The following LGALS3 variants were observed in gnomAD, a reference collection of about 807,000 sequenced individuals.
LGALS3 encodes galectin 3.
Under a neutral mutation model 20.7 loss-of-function variants are expected in LGALS3, and 18 were observed. The ratio of observed to expected loss-of-function variants is 0.87; its 90% CI spans 0.60 to 1.29. LGALS3 has a LOEUF of 1.29. Among genes scored for constraint, LGALS3 ranks in the 50% most tolerant of loss-of-function variants. The pLI, the probability that LGALS3 is intolerant of heterozygous loss-of-function variation, is 0.00. For missense variants in LGALS3, 315 were observed against 314.7 expected (o/e 1.00, Z -0.01); for synonymous variants, 112 against 119.6 (o/e 0.94, Z 0.42).
intron 1 of LGALS3, among the ~76,000 whole-genome samples, chr14:55,130,562 G>GTTTT (rs60310677): frequency 8.3e-5 from 12 of 144,896 alleles, no homozygotes; most frequent in South Asian, 4.3e-4. Context: ...TTTACCTAAG[G>GTTTT]TTTTTTTTTT....
intron 1 of LGALS3, among the ~76,000 whole-genome samples, chr14:55,130,840 C>A (rs1182552645): frequency 6.6e-6 from 1 of 151,606 alleles, no homozygotes; most frequent in Non-Finnish European, 1.5e-5. Flanking sequence ...TCCTAAAGTG[C>A]TGGGATTATA....
chr14:55,142,524 T>A (rs1881658745), intron 4 of LGALS3, 60 bp from the exon 5 acceptor site: 1 of 1,411,592 alleles, frequency 7.1e-7, no homozygotes, highest in African/African-American at 1.4e-5. Flanking sequence ...TACATGTTCT[T>A]TACACAGTGC....
In LGALS3 at chr14:55,145,070, A is replaced by T. The variant is rs768962086; in HGVS notation, c.598-46A>T. 2.7e-6 allele frequency: 4 copies of T among 1,488,892 alleles called. No individual in the cohort carries two copies. The East Asian group carries it at 6.8e-5, about 25-fold the overall frequency. 92.2% of individuals were successfully genotyped at this position (1,488,892 alleles called of 1,614,324 possible). A position where few individuals can be genotyped will look rare whatever the true frequency, so the allele number is the denominator to read the frequency against. On this transcript the variant is annotated intron_variant, in intron 5 of 5. Coordinates refer to ENST00000254301, the MANE Select transcript of LGALS3 (RefSeq NM_002306.4). ...ATTGTGGAATGCCTAAATCCAGCTGACATATGCATTACCTCATGTAACAGT... is the reference window on the plus strand; with the variant it reads ...ATTGTGGAATGCCTAAATCCAGCTGTCATATGCATTACCTCATGTAACAGT...
chr14:55,133,240 C>T (rs565199602), intron 1 of LGALS3, among the ~76,000 whole-genome samples: 6 of 152,098 alleles, frequency 3.9e-5, no homozygotes, highest in South Asian at 2.1e-4. Flanking sequence ...TAAAAAGACA[C>T]GAGCCCTACT....
chr14:55,131,474 C>A (rs1219617523), intron 1 of LGALS3, among the ~76,000 whole-genome samples: 2 of 152,172 alleles, frequency 1.3e-5, no homozygotes, highest in African/African-American at 4.8e-5. Context: ...TGTAGTATGC[C>A]TTCAGAATCT....
At chr14:55,143,399 G>A (rs779679771) in intron 5 of LGALS3, 47 of 353,256 alleles carry the variant, frequency 1.3e-4, no homozygotes, top group African/African-American at 5.2e-4. Context: ...ATATCTTTTC[G>A]TATCAGAATA....
intron 4 of LGALS3, 101 bp from the exon 5 acceptor site, chr14:55,142,483 G>A (rs944136777): frequency 2.2e-6 from 2 of 917,450 alleles, no homozygotes; most frequent in Middle Eastern, 2.4e-4. Context: ...CCTAGGTACT[G>A]TATTATGAAA....
chr14:55,142,460 T>G, intron 4 of LGALS3, 124 bp from the exon 5 acceptor site: 1 of 642,010 alleles, frequency 1.6e-6, no homozygotes, highest in South Asian at 2.8e-5. Context: ...TTGCTTTCCA[T>G]TCAGAAAAAT....
rs761867139 is a variant in LGALS3 at position 55,138,027 on chromosome 14, G to GT, written c.19-17dup. The GT allele has an allele frequency of 1.1e-5, 17 of 1,490,186 alleles. No homozygotes were observed. In the East Asian group the frequency reaches 3.7e-4, roughly 33 times the overall value. The allele number at this position is 1,490,186 out of a possible 1,614,324, so 92.3% of individuals were successfully genotyped here. On this transcript the variant is annotated splice_polypyrimidine_tract_variant and intron_variant, in intron 2 of 5. Transcript: ENST00000254301. ...AGAATGCTTTCTGTCCCGTAATTGT[G>GT]TATGTCTTTCTTTCCAGCTCCATGA...
At chr14:55,138,957 CT>C (rs2140293949) in intron 3 of LGALS3, among the ~76,000 whole-genome samples, 1 of 152,284 alleles carries the variant, frequency 6.6e-6, no homozygotes, top group African/African-American at 2.4e-5. Context: ...AGGATCCTTC[CT>C]TTCCAGATTT....
intron 5 of LGALS3, chr14:55,143,854 T>C (rs1459015236): frequency 7.3e-6 from 1 of 137,698 alleles, no homozygotes; most frequent in Admixed American, 6.9e-5. Flanking sequence ...AAATCTTTGC[T>C]TCCTAGAAGC....
intron 1 of LGALS3, among the ~76,000 whole-genome samples, chr14:55,132,189 T>C (rs921074172): frequency 1.3e-5 from 2 of 152,264 alleles, no homozygotes; most frequent in African/African-American, 4.8e-5. Context: ...ATGGTCTGTA[T>C]TCTAACTCAT....
At chr14:55,133,785 G>A (rs924749593) in intron 1 of LGALS3, among the ~76,000 whole-genome samples, 16 of 152,158 alleles carry the variant, frequency 1.1e-4, no homozygotes, top group Non-Finnish European at 1.8e-4. Context: ...ACATGCTTGA[G>A]CAGAGGCTTT....
At chr14:55,131,414 C>T (rs1371116069) in intron 1 of LGALS3, among the ~76,000 whole-genome samples, 1 of 152,146 alleles carries the variant, frequency 6.6e-6, no homozygotes, top group Non-Finnish European at 1.5e-5. Context: ...TTACATAGAA[C>T]CCTCATTAGC....
chr14:55,139,438 G>C (rs568727648), intron 3 of LGALS3, among the ~76,000 whole-genome samples: 1 of 152,290 alleles, frequency 6.6e-6, no homozygotes, highest in South Asian at 2.1e-4. Context: ...AGGAAGTACA[G>C]GACTAGTACA....
chr14:55,138,173 A>G lies in LGALS3; in HGVS notation c.147A>G (p.Ala49=), dbSNP rs1460542660. The G allele has an allele frequency of 1.9e-6, 3 of 1,606,274 alleles. No homozygotes were observed. Among genetic ancestry groups the G allele is most frequent in the African/African-American group, 1.3e-5 (1 of 74,386 alleles). The change falls in exon 3 of 6, where the codon GCA becomes GCG. Residue 49 remains alanine (A), a synonymous_variant. Coordinates refer to ENST00000254301, the MANE Select transcript of LGALS3 (RefSeq NM_002306.4). ...ASYPGAYPGQ[A]PPGAYPGQAP... is the part of the protein sequence containing the mutation. ...ATCCTGGGGCCTACCCCGGGCAGGC[A>G]CCCCCAGGGGCTTATCCTGGACAGG...
rs1460381147 is a variant in LGALS3 at position 55,138,271 on chromosome 14, C to T, written c.245C>T (p.Pro82Leu). Residue 82 changes from proline (P) to leucine (L), a missense_variant, in exon 3 of 6, where the codon CCA (proline) becomes CTA (leucine). Physicochemically the swap from Pro to Leu is moderately conservative, Grantham distance 98. Coordinates refer to ENST00000254301, the MANE Select transcript of LGALS3 (RefSeq NM_002306.4). ...CCTGCACCTGGAGTCTACCCAGGGCCACCCAGCGGCCCTGGGGCCTACCCA... is the reference window on the plus strand; with the variant it reads ...CCTGCACCTGGAGTCTACCCAGGGCTACCCAGCGGCCCTGGGGCCTACCCA... Reference protein sequence around the residue: ...GAPAPGVYPGPPSGPGAYPSS... With the variant: ...GAPAPGVYPGLPSGPGAYPSS... The T allele has an allele frequency of 3.1e-6, 5 of 1,612,928 alleles. No homozygotes were observed. Among genetic ancestry groups the T allele is most frequent in the Non-Finnish European group, 4.2e-6 (5 of 1,179,874 alleles).
At chr14:55,144,703 AC>A (rs1881751983) in intron 5 of LGALS3, among the ~76,000 whole-genome samples, 1 of 152,156 alleles carries the variant, frequency 6.6e-6, no homozygotes, top group Admixed American at 6.5e-5. Context: ...AGCTGGGACT[AC>A]AAGGTGCCCG....
Position 55,145,310 on chromosome 14 carries a change from A to G in LGALS3, c.*39A>G, listed in dbSNP as rs1881780962. The stretch of plus-strand genomic sequence containing the variant: ...GATTAAAAAAAAAAAAAGAATCTAA[A>G]CCTTACATGTGTAAAGGTTTCATGT... On this transcript the variant is annotated 3_prime_UTR_variant, in exon 6 of 6. Transcript: ENST00000254301. 6.2e-7 allele frequency: 1 copy of G among 1,606,078 alleles called. No individual in the cohort carries two copies. Among genetic ancestry groups the G allele is most frequent in the African/African-American group, 1.3e-5 (1 of 74,664 alleles).
Sources: allele counts gnomAD v4.1 joint callset (sites outside exome capture counted in the v4.1 genomes callset), GRCh38; gene constraint gnomAD v4.1.1; transcripts MANE v1.5; gene names NCBI Gene and HGNC (gene_info 2026-07-23, HGNC 2026-07-21).